Variants in DCLK1 observed in about 807,000 individuals in gnomAD.
DCLK1 encodes the protein serine/threonine-protein kinase DCLK1.
Under a neutral mutation model 86.2 loss-of-function variants are expected in DCLK1, and 16 were observed. The observed-to-expected ratio is 0.19, with a 90% CI of 0.13 to 0.28. The LOEUF (loss-of-function observed/expected upper bound fraction) is 0.28, where lower values mean the gene tolerates loss of function less well. Among genes scored for constraint, DCLK1 ranks in the 10% least tolerant of loss-of-function variants. The probability of loss-of-function intolerance (pLI) is 1.00; values close to 1 mark genes in which losing one functional copy is unlikely to be tolerated. For synonymous variants in DCLK1, 369 were observed against 370.5 expected, an observed-to-expected ratio of 1.00 and a Z score of 0.05; for missense variants, 590 against 940.2, an observed-to-expected ratio of 0.63 and a Z score of 4.87.
intron 3 of DCLK1, among the ~76,000 whole-genome samples, chr13:36,088,258 T>C (rs952951426): frequency 2.0e-5 from 3 of 152,164 alleles, no homozygotes; most frequent in Non-Finnish European, 4.4e-5. Context: ...GACCATATCC[T>C]TTGAGGAAAA....
chr13:36,020,723 A>G (rs867116858), intron 3 of DCLK1, among the ~76,000 whole-genome samples: 12 of 149,280 alleles, frequency 8.0e-5, no homozygotes, highest in Middle Eastern at 3.4e-3. Flanking sequence ...TGACATATTT[A>G]AGGTGCTGAA....
chr13:35,870,186 T>C (rs1872166062), intron 5 of DCLK1, among the ~76,000 whole-genome samples: 1 of 152,166 alleles, frequency 6.6e-6, no homozygotes, highest in African/African-American at 2.4e-5. Context: ...AAGGAGGCAT[T>C]GGCAGCCCAT....
chr13:35,838,785 A>G (rs1869581455), intron 7 of DCLK1, among the ~76,000 whole-genome samples: 1 of 152,220 alleles, frequency 6.6e-6, no homozygotes, highest in African/African-American at 2.4e-5. Flanking sequence ...TTGGGAAAAC[A>G]AAAGCAGCCA....
At chr13:36,039,478 T>C (rs868840936) in intron 3 of DCLK1, among the ~76,000 whole-genome samples, 6 of 152,194 alleles carry the variant, frequency 3.9e-5, no homozygotes, top group African/African-American at 1.2e-4. Context: ...TGTGCGAACA[T>C]CGGTGATTTT....
At chr13:36,055,937 A>T (rs1020592074) in intron 3 of DCLK1, among the ~76,000 whole-genome samples, 1 of 152,226 alleles carries the variant, frequency 6.6e-6, no homozygotes, top group Non-Finnish European at 1.5e-5. Flanking sequence ...GATATCTCAT[A>T]GTGGTTTTGA....
chr13:36,019,758 G>T (rs1417224694), intron 3 of DCLK1, among the ~76,000 whole-genome samples: 1 of 152,164 alleles, frequency 6.6e-6, no homozygotes, highest in Non-Finnish European at 1.5e-5. Flanking sequence ...ACTACAAAAG[G>T]AGCTAATGTA....
intron 11 of DCLK1, among the ~76,000 whole-genome samples, chr13:35,811,213 G>A (rs991976905): frequency 2.6e-5 from 4 of 152,026 alleles, no homozygotes; most frequent in African/African-American, 9.7e-5. Context: ...TTCATACAAC[G>A]AGAGGTTACA....
At chr13:36,118,785 C>T (rs746828783) in intron 2 of DCLK1, among the ~76,000 whole-genome samples, 1 of 152,126 alleles carries the variant, frequency 6.6e-6, no homozygotes, top group Non-Finnish European at 1.5e-5. Flanking sequence ...ATAAACAACA[C>T]ACATTTATTT....
intron 4 of DCLK1, among the ~76,000 whole-genome samples, chr13:35,920,845 A>T (rs1269638874): frequency 1.3e-5 from 2 of 151,984 alleles, no homozygotes; most frequent in African/African-American, 2.4e-5. Context: ...TCACCACCCG[A>T]TGTGGCCCCC....
intron 3 of DCLK1, among the ~76,000 whole-genome samples, chr13:36,072,526 G>T (rs1400948910): frequency 6.6e-6 from 1 of 152,168 alleles, no homozygotes; most frequent in African/African-American, 2.4e-5. Flanking sequence ...CTTCTTTCCT[G>T]AATTCCAGCG....
At chr13:35,898,730 T>A (rs1212444055) in intron 4 of DCLK1, among the ~76,000 whole-genome samples, 5 of 152,114 alleles carry the variant, frequency 3.3e-5, no homozygotes, top group Non-Finnish European at 5.9e-5. Context: ...CTCTTGAACA[T>A]GGTGGGTTTT....
intron 3 of DCLK1, among the ~76,000 whole-genome samples, chr13:36,043,154 A>C (rs1882753011): frequency 6.6e-6 from 1 of 152,180 alleles, no homozygotes; most frequent in Non-Finnish European, 1.5e-5. Flanking sequence ...AGATACAGTC[A>C]TTTACAGCAT....
intron 4 of DCLK1, among the ~76,000 whole-genome samples, chr13:35,908,226 A>G (rs1484772055): frequency 6.6e-6 from 1 of 152,204 alleles, no homozygotes; most frequent in South Asian, 2.1e-4. Context: ...ACTAAAATGT[A>G]TTAGTATAAA....
chr13:35,898,751 T>C (rs1874162908), intron 4 of DCLK1, among the ~76,000 whole-genome samples: 2 of 152,178 alleles, frequency 1.3e-5, no homozygotes, highest in African/African-American at 4.8e-5. Flanking sequence ...TTCTTTTTTT[T>C]TTCTTTTTGA....
chr13:35,966,627 G>A (rs1484270263), intron 3 of DCLK1, among the ~76,000 whole-genome samples: 1 of 151,686 alleles, frequency 6.6e-6, no homozygotes, highest in Non-Finnish European at 1.5e-5. Context: ...GCCTCAGCCT[G>A]CCGAGTGCCT....
intron 3 of DCLK1, among the ~76,000 whole-genome samples, chr13:35,987,784 C>T (rs867973639): frequency 7.9e-5 from 12 of 152,294 alleles, no homozygotes; most frequent in Middle Eastern, 3.4e-3. Flanking sequence ...CTTCTTTTCC[C>T]TCGGACTTGA....
At chr13:35,892,457 T>C (rs1169362094) in intron 4 of DCLK1, among the ~76,000 whole-genome samples, 1 of 149,550 alleles carries the variant, frequency 6.7e-6, no homozygotes, top group African/African-American at 2.4e-5. Flanking sequence ...TGGAATCATC[T>C]TTAACACACA....
intron 3 of DCLK1, among the ~76,000 whole-genome samples, chr13:36,105,803 A>T (rs1322561344): frequency 6.6e-6 from 1 of 152,120 alleles, no homozygotes; most frequent in Non-Finnish European, 1.5e-5. Context: ...GCTCAGCTGA[A>T]TTTTTTTGTT....
At position 35,822,709 on chromosome 13, in the gene DCLK1, G is replaced by C. The variant is rs2087424150; in HGVS notation, c.1554+20C>G. 6.8e-6 allele frequency: 11 copies of C among 1,613,864 alleles called. No homozygotes were observed. Among genetic ancestry groups the C allele is most frequent in the Non-Finnish European group, 9.3e-6 (11 of 1,179,932 alleles). On this transcript the variant is annotated intron_variant, in intron 11 of 16. Coordinates refer to ENST00000360631, the MANE Select transcript of DCLK1 (RefSeq NM_001330071.2). ...GAGTGCTTGGAACTCAGGATGCCCT[G>C]TAGGTGGAATTCCTCTTACCAGCAG... is the stretch of plus-strand genomic sequence containing the variant.
Sources: allele counts gnomAD v4.1 joint callset (sites outside exome capture counted in the v4.1 genomes callset), GRCh38; gene constraint gnomAD v4.1.1; transcripts MANE v1.5; gene names NCBI Gene and HGNC (gene_info 2026-07-23, HGNC 2026-07-21).